Variants in MCF2L2 observed in about 807,000 individuals in gnomAD.
The protein encoded by MCF2L2 is MCF.2 cell line derived transforming sequence-like 2.
MCF2L2 carries 102 observed loss-of-function variants against 150.2 expected under a neutral mutation model. That is an observed-to-expected ratio of 0.68 (90% CI 0.58 to 0.80). The LOEUF is 0.80. MCF2L2 is among the 30% of genes least tolerant of loss of function. The probability of loss-of-function intolerance (pLI) is 0.00; values close to 1 mark genes in which losing one functional copy is unlikely to be tolerated. For synonymous variants in MCF2L2, 465 were observed against 491.3 expected, an observed-to-expected ratio of 0.95 and a Z score of 0.71; for missense variants, 1,256 against 1,372.8, an observed-to-expected ratio of 0.91 and a Z score of 1.34.
At chr3:183,426,950 C>T (rs1301369522) in intron 1 of MCF2L2, among the ~76,000 whole-genome samples, 4 of 152,202 alleles carry the variant, frequency 2.6e-5, no homozygotes, top group African/African-American at 9.6e-5. Flanking sequence ...ATTGAGGCAA[C>T]ATTTAACATG....
chr3:183,415,742 A>G (rs962222086), intron 1 of MCF2L2, among the ~76,000 whole-genome samples: 6 of 151,886 alleles, frequency 4.0e-5, no homozygotes, highest in African/African-American at 1.2e-4. Flanking sequence ...TTACTTTTTT[A>G]TATCTTTGAA....
intron 3 of MCF2L2, among the ~76,000 whole-genome samples, chr3:183,365,993 TAA>T (rs1712498404): frequency 6.6e-6 from 1 of 150,812 alleles, no homozygotes. Flanking sequence ...AGTAAAGTGA[TAA>T]AGAGATGAAA....
intron 25 of MCF2L2, among the ~76,000 whole-genome samples, chr3:183,202,153 A>G (rs1323072928): frequency 6.6e-6 from 1 of 152,082 alleles, no homozygotes; most frequent in African/African-American, 2.4e-5. Context: ...TCATTATTTG[A>G]TCTGTCCACG....
rs1022126770 is a variant in MCF2L2, at chr3:183,190,671, G to A, written c.3016+2328C>T. 5.9e-5 allele frequency among the ~76,000 whole-genome samples: 9 copies of A among 152,278 alleles called. No individual in the cohort carries two copies. The East Asian group carries it at 1.7e-3, about 29-fold the overall frequency. The stretch of plus-strand genomic sequence containing the variant: ...GGTGGGCCATAAGCCACCCTTAGGG[G>A]AGGACATAACCTCACAGGCATTTCC... On this transcript the variant is annotated intron_variant, in intron 27 of 29. Coordinates refer to ENST00000328913, the MANE Select transcript of MCF2L2 (RefSeq NM_015078.4).
In MCF2L2 at chr3:183,423,548, G is replaced by T. The variant is rs560135602; in HGVS notation, c.76+4354C>A. ...TAAAATAATTATGTCTAATATGAGG[G>T]GGCAAGGTGGAAAGTGAGCCATGCT... On this transcript the variant is annotated intron_variant, in intron 1 of 29. Transcript: ENST00000328913. 7.2e-5 allele frequency among the ~76,000 whole-genome samples: 11 copies of T among 152,096 alleles called. No individual in the cohort carries two copies. The South Asian group carries it at 2.3e-3, about 32-fold the overall frequency.
At chr3:183,340,407 A>T (rs1199682842) in intron 4 of MCF2L2, among the ~76,000 whole-genome samples, 1 of 152,122 alleles carries the variant, frequency 6.6e-6, no homozygotes, top group Non-Finnish European at 1.5e-5. Context: ...TGCTCAGGTA[A>T]AAATGCTGAC....
At chr3:183,253,984 T>C (rs1404482659) in intron 15 of MCF2L2, 1 of 151,934 alleles carries the variant, frequency 6.6e-6, no homozygotes. Context: ...GATGGTTCGT[T>C]CTCCGTGCCG....
intron 14 of MCF2L2, among the ~76,000 whole-genome samples, chr3:183,277,844 AAT>A (rs1389038823): frequency 1.3e-5 from 2 of 151,482 alleles, no homozygotes. Context: ...AGTTCCCTCT[AAT>A]ATATATATCT....
intron 1 of MCF2L2, among the ~76,000 whole-genome samples, chr3:183,419,005 C>A (rs1269667224): frequency 6.6e-6 from 1 of 152,250 alleles, no homozygotes. Context: ...TCTGCCCCTG[C>A]AGCAGACTTC....
At chr3:183,375,168 C>A (rs1713124951) in intron 3 of MCF2L2, 1 of 152,162 alleles carries the variant, frequency 6.6e-6, no homozygotes, top group South Asian at 2.1e-4. Context: ...ACACTGTCTG[C>A]CCATCCGCAC....
At chr3:183,293,214 G>A (rs989407814) in intron 13 of MCF2L2, among the ~76,000 whole-genome samples, 6 of 152,114 alleles carry the variant, frequency 3.9e-5, no homozygotes, top group African/African-American at 9.7e-5. Flanking sequence ...TGACAATATC[G>A]CACAAGATAG....
intron 1 of MCF2L2, among the ~76,000 whole-genome samples, chr3:183,417,167 A>AAGTATAC (rs1335735849): frequency 6.6e-6 from 1 of 151,542 alleles, no homozygotes; most frequent in Non-Finnish European, 1.5e-5. Context: ...AGATCATTTA[A>AAGTATAC]AGTATACAAG....
At chr3:183,259,705 C>T (rs1265621887) in intron 15 of MCF2L2, among the ~76,000 whole-genome samples, 1 of 152,120 alleles carries the variant, frequency 6.6e-6, no homozygotes, top group Non-Finnish European at 1.5e-5. Flanking sequence ...TCCACCCCAC[C>T]TCTTTTTGTC....
At chr3:183,210,770 G>A (rs1269631095) in intron 22 of MCF2L2, among the ~76,000 whole-genome samples, 1 of 152,168 alleles carries the variant, frequency 6.6e-6, no homozygotes, top group Non-Finnish European at 1.5e-5. Flanking sequence ...TGAAGAGGCA[G>A]CCTCAGGCAG....
At chr3:183,320,265 C>T (rs1314580362) in intron 6 of MCF2L2, among the ~76,000 whole-genome samples, 4 of 151,334 alleles carry the variant, frequency 2.6e-5, no homozygotes, top group Non-Finnish European at 5.9e-5. Context: ...GCTAATTTTT[C>T]ATATTTTTAG....
intron 11 of MCF2L2, chr3:183,299,742 T>TAA (rs1728741477): frequency 7.4e-6 from 3 of 404,550 alleles, no homozygotes; most frequent in African/African-American, 2.1e-5. Context: ...AACACACTCT[T>TAA]AAAGTCCGGC....
intron 13 of MCF2L2, among the ~76,000 whole-genome samples, chr3:183,295,095 A>AT (rs1243179402): frequency 6.6e-6 from 1 of 152,134 alleles, no homozygotes; most frequent in African/African-American, 2.4e-5. Flanking sequence ...CCTTCAGTAG[A>AT]TTGTGTGTTT....
At chr3:183,286,339 T>G (rs1727790994) in intron 14 of MCF2L2, among the ~76,000 whole-genome samples, 1 of 152,210 alleles carries the variant, frequency 6.6e-6, no homozygotes, top group African/African-American at 2.4e-5. Flanking sequence ...TGGCTGGGTT[T>G]CATTTCATCT....
At chr3:183,232,049 G>C (rs1001032728) in intron 15 of MCF2L2, among the ~76,000 whole-genome samples, 6 of 152,182 alleles carry the variant, frequency 3.9e-5, no homozygotes, top group Admixed American at 2.0e-4. Flanking sequence ...AGTTGGGCCT[G>C]TCCTAATCAT....
Sources: gnomAD v4.1 joint callset for allele counts (sites outside exome capture counted in the v4.1 genomes callset) on GRCh38, gnomAD v4.1.1 for gene constraint, MANE v1.5 for transcripts, NCBI Gene and HGNC (gene_info 2026-07-23, HGNC 2026-07-21) for gene names.